GPM6A: variants seen among roughly 807,000 people sequenced by gnomAD.
The protein encoded by GPM6A is glycoprotein M6A, also known as neuronal membrane glycoprotein M6-a.
In GPM6A, 7 loss-of-function variants were observed where a neutral mutation model predicts 32.1. The ratio of observed to expected loss-of-function variants is 0.22; its 90% CI spans 0.12 to 0.41. The LOEUF is 0.41. Ranked by LOEUF, GPM6A falls within the 10% of genes least tolerant of loss-of-function variation. The pLI, the probability that GPM6A is intolerant of heterozygous loss-of-function variation, is 1.00. For synonymous variants in GPM6A, 130 were observed against 123.4 expected, an observed-to-expected ratio of 1.05 and a Z score of -0.35; for missense variants, 235 against 347.2, an observed-to-expected ratio of 0.68 and a Z score of 2.57.
chr4:175,846,400 T>C (rs1291161965), intron 1 of GPM6A, among the ~76,000 whole-genome samples: 1 of 152,104 alleles, frequency 6.6e-6, no homozygotes, highest in Non-Finnish European at 1.5e-5. Flanking sequence ...AAACTTCAAA[T>C]ATTGATTCTT....
At chr4:175,725,378 A>G (rs1579430467) in intron 1 of GPM6A, among the ~76,000 whole-genome samples, 1 of 150,094 alleles carries the variant, frequency 6.7e-6, no homozygotes, top group South Asian at 2.1e-4. Context: ...TGCAGCCTCC[A>G]CCTCTTGGGC....
intron 1 of GPM6A, among the ~76,000 whole-genome samples, chr4:175,949,359 C>T (rs903274618): frequency 2.0e-5 from 3 of 152,000 alleles, no homozygotes; most frequent in East Asian, 1.9e-4. Context: ...CTGTGTTGCC[C>T]AGGCTAGTCT....
chr4:175,827,623 A>G (rs1217354465), intron 1 of GPM6A, among the ~76,000 whole-genome samples: 1 of 152,158 alleles, frequency 6.6e-6, no homozygotes, highest in Admixed American at 6.5e-5. Flanking sequence ...TAGCTGGATT[A>G]TTTCTCATTG....
At chr4:175,846,046 T>C (rs576362414) in intron 1 of GPM6A, among the ~76,000 whole-genome samples, 1 of 152,170 alleles carries the variant, frequency 6.6e-6, no homozygotes, top group African/African-American at 2.4e-5. Context: ...ACCCTCAAGT[T>C]CATAACACCC....
intron 1 of GPM6A, among the ~76,000 whole-genome samples, chr4:175,920,032 T>C (rs1005543675): frequency 6.6e-6 from 1 of 152,272 alleles, no homozygotes; most frequent in African/African-American, 2.4e-5. Flanking sequence ...TGGCCATCTT[T>C]GGTCATAAAA....
At chr4:175,674,834 A>T (rs1325681288) in intron 2 of GPM6A, among the ~76,000 whole-genome samples, 1 of 152,130 alleles carries the variant, frequency 6.6e-6, no homozygotes, top group South Asian at 2.1e-4. Context: ...AAGATATGGC[A>T]TACTTTTATA....
At chr4:175,939,427 G>A (rs1194544757) in intron 1 of GPM6A, among the ~76,000 whole-genome samples, 1 of 152,146 alleles carries the variant, frequency 6.6e-6, no homozygotes, top group Non-Finnish European at 1.5e-5. Context: ...TCTTAAAGCA[G>A]TACAGCTACA....
chr4:175,735,563 C>CTTT, intron 1 of GPM6A, among the ~76,000 whole-genome samples: 1 of 143,688 alleles, frequency 7.0e-6, no homozygotes, highest in South Asian at 2.2e-4. Flanking sequence ...ATTTATGAAT[C>CTTT]TTTTTTTTTT....
At chr4:175,773,073 A>G (rs1157861114) in intron 1 of GPM6A, among the ~76,000 whole-genome samples, 1 of 152,192 alleles carries the variant, frequency 6.6e-6, no homozygotes, top group African/African-American at 2.4e-5. Flanking sequence ...TCATCCAATG[A>G]TGTTTTGGTG....
At chr4:175,785,593 C>A (rs1733767724) in intron 1 of GPM6A, among the ~76,000 whole-genome samples, 1 of 152,044 alleles carries the variant, frequency 6.6e-6, no homozygotes, top group South Asian at 2.1e-4. Flanking sequence ...TCTTTTAAAC[C>A]CTTTCCCCTC....
At chr4:175,965,017 G>A (rs1740290353) in intron 1 of GPM6A, among the ~76,000 whole-genome samples, 1 of 152,170 alleles carries the variant, frequency 6.6e-6, no homozygotes, top group Non-Finnish European at 1.5e-5. Context: ...GCAATTGAAA[G>A]TTATAGAGCA....
At chr4:175,826,525 A>G (rs535552214) in intron 1 of GPM6A, among the ~76,000 whole-genome samples, 1 of 152,310 alleles carries the variant, frequency 6.6e-6, no homozygotes, top group East Asian at 1.9e-4. Context: ...TCCGTTCACT[A>G]AAGGAGGTAA....
At chr4:175,783,364 A>G (rs1236595063) in intron 1 of GPM6A, among the ~76,000 whole-genome samples, 1 of 151,898 alleles carries the variant, frequency 6.6e-6, no homozygotes, top group Non-Finnish European at 1.5e-5. Flanking sequence ...ATTTTTCTCC[A>G]TTTTCATCAG....
chr4:175,914,744 G>A (rs1352507122), intron 1 of GPM6A, among the ~76,000 whole-genome samples: 2 of 152,092 alleles, frequency 1.3e-5, no homozygotes, highest in Non-Finnish European at 2.9e-5. Flanking sequence ...GAGCGAGGGG[G>A]GGCCACTTGG....
chr4:175,743,531 A>C (rs929329020), intron 1 of GPM6A, among the ~76,000 whole-genome samples: 1 of 152,084 alleles, frequency 6.6e-6, no homozygotes, highest in Non-Finnish European at 1.5e-5. Context: ...GTAGGCATGG[A>C]CCTCGATTAT....
At chr4:175,802,448 C>T (rs1734509549) in intron 1 of GPM6A, among the ~76,000 whole-genome samples, 1 of 152,012 alleles carries the variant, frequency 6.6e-6, no homozygotes, top group Non-Finnish European at 1.5e-5. Context: ...GTCTTGATCC[C>T]ATCTAAAATA....
intron 1 of GPM6A, among the ~76,000 whole-genome samples, chr4:175,990,704 A>G (rs889166536): frequency 6.6e-6 from 1 of 151,786 alleles, no homozygotes; most frequent in African/African-American, 2.4e-5. Context: ...TTCTCCCACA[A>G]CAATGATCTT....
intron 1 of GPM6A, among the ~76,000 whole-genome samples, chr4:175,741,522 G>C (rs1579448177): frequency 6.6e-6 from 1 of 152,184 alleles, no homozygotes; most frequent in African/African-American, 2.4e-5. Flanking sequence ...TTATCAGACT[G>C]TATCTAACAC....
chr4:175,848,935 A>G (rs1048607618), intron 1 of GPM6A, among the ~76,000 whole-genome samples: 1 of 152,202 alleles, frequency 6.6e-6, no homozygotes, highest in African/African-American at 2.4e-5. Context: ...TCATATGAGG[A>G]AAAGTGATAA....
Sources: gnomAD v4.1 joint callset for allele counts (sites outside exome capture counted in the v4.1 genomes callset) on GRCh38, gnomAD v4.1.1 for gene constraint, MANE v1.5 for transcripts, NCBI Gene and HGNC (gene_info 2026-07-23, HGNC 2026-07-21) for gene names.